Variants in CMIP observed in about 807,000 individuals in gnomAD.
CMIP encodes the protein c-Maf inducing protein.
Under a neutral mutation model 97.3 loss-of-function variants are expected in CMIP, and 13 were observed. The ratio of observed to expected loss-of-function variants is 0.13; its 90% CI spans 0.09 to 0.21. CMIP has a LOEUF of 0.21. Among genes scored for constraint, CMIP ranks in the 10% least tolerant of loss-of-function variants. The pLI is 1.00. For synonymous variants in CMIP, 538 were observed against 436.3 expected, an observed-to-expected ratio of 1.23 and a Z score of -2.91; for missense variants, 847 against 1,024.9, an observed-to-expected ratio of 0.83 and a Z score of 2.37.
At chr16:81,470,878 A>T (rs1235797926) in intron 1 of CMIP, among the ~76,000 whole-genome samples, 1 of 152,266 alleles carries the variant, frequency 6.6e-6, no homozygotes, top group Admixed American at 6.5e-5. Flanking sequence ...TCCTGAGATC[A>T]GTACAAAAAG....
intron 14 of CMIP, among the ~76,000 whole-genome samples, chr16:81,698,274 G>A (rs1474695534): frequency 2.6e-5 from 4 of 152,306 alleles, no homozygotes; most frequent in Admixed American, 6.5e-5. Flanking sequence ...ATGGGGTGTC[G>A]AGGCCTCCCC....
intron 10 of CMIP, 115 bp from the exon 11 acceptor site, chr16:81,691,660 C>T (rs1906092263): frequency 2.6e-6 from 2 of 775,912 alleles, no homozygotes; most frequent in Non-Finnish European, 2.3e-6. Flanking sequence ...GAAGTCAGTG[C>T]CACTGACTAC....
intron 1 of CMIP, among the ~76,000 whole-genome samples, chr16:81,512,934 T>A (rs1368382720): frequency 1.3e-5 from 2 of 152,136 alleles, no homozygotes; most frequent in Admixed American, 1.3e-4. Flanking sequence ...ATGGGGTTTC[T>A]CCATGTTGCC....
intron 10 of CMIP, among the ~76,000 whole-genome samples, chr16:81,684,952 C>T (rs992506900): frequency 2.0e-5 from 3 of 152,240 alleles, no homozygotes; most frequent in Non-Finnish European, 2.9e-5. Context: ...ATAACAGGCC[C>T]GCCCAGAGCC....
At chr16:81,560,528 T>A (rs2090861908) in intron 1 of CMIP, among the ~76,000 whole-genome samples, 1 of 152,108 alleles carries the variant, frequency 6.6e-6, no homozygotes, top group Non-Finnish European at 1.5e-5. Context: ...AGAAAAACAA[T>A]TTTTTACAAA....
At position 81,711,745 on chromosome 16, in the gene CMIP, C is replaced by G. The variant is rs1908800047; in HGVS notation, c.*1946C>G. The G allele has an allele frequency of 6.6e-6, 1 of 152,610 alleles. No individual in the cohort carries two copies. The highest frequency in any genetic ancestry group is 1.5e-5 in the Non-Finnish European group (1 of 68,040). 9.5% of individuals were successfully genotyped at this position (152,610 alleles called of 1,614,324 possible). On this transcript the variant is annotated 3_prime_UTR_variant, in exon 21 of 21. Coordinates refer to ENST00000537098, the MANE Select transcript of CMIP (RefSeq NM_198390.3). ...TGAAATACTTTCAGGCAAAAATAAACTGTAAGTGACTCATCAATGTCTGGC... is the reference window on the plus strand; with the variant it reads ...TGAAATACTTTCAGGCAAAAATAAAGTGTAAGTGACTCATCAATGTCTGGC...
chr16:81,484,736 G>A (rs2089289499), intron 1 of CMIP, among the ~76,000 whole-genome samples: 1 of 152,142 alleles, frequency 6.6e-6, no homozygotes, highest in South Asian at 2.1e-4. Flanking sequence ...GCTCTGGATG[G>A]GGCTGGAAGA....
intron 1 of CMIP, among the ~76,000 whole-genome samples, chr16:81,544,640 G>A (rs892291934): frequency 6.6e-6 from 1 of 151,826 alleles, no homozygotes; most frequent in African/African-American, 2.4e-5. Flanking sequence ...ATGTGTGTGT[G>A]CCTGTGTGTG....
chr16:81,698,903 A>G (rs1820233), intron 14 of CMIP, among the ~76,000 whole-genome samples: 2,357 of 152,292 alleles, frequency 0.015, 33 homozygotes, highest in Non-Finnish European at 0.026. Context: ...AAACATCAGA[A>G]CTTTTATAAT....
Position 81,627,387 on chromosome 16 carries a change from G to C in CMIP, c.477+6461G>C, listed in dbSNP as rs1458749550. Among the ~76,000 whole-genome samples, 1 of 152,026 alleles carries C rather than the reference G, an allele frequency of 6.6e-6. No individual in the cohort carries two copies. The highest frequency in any genetic ancestry group is 2.4e-5 in the African/African-American group (1 of 41,354). Reference sequence around the variant, plus strand: ...CGAAGGCTGTGTTGTTTGTGCAGCAGGCAGAAGGGATCCTGGTAGGAGCCC... The same window carrying C: ...CGAAGGCTGTGTTGTTTGTGCAGCACGCAGAAGGGATCCTGGTAGGAGCCC... On this transcript the variant is annotated intron_variant, in intron 3 of 20. Transcript: ENST00000537098. This position sits in a 1 kb window ranked among gnomAD's most constrained non-coding sequence, Gnocchi z 4.6.
chr16:81,580,675 A>G (rs2091281464), intron 1 of CMIP, among the ~76,000 whole-genome samples: 1 of 151,674 alleles, frequency 6.6e-6, no homozygotes, highest in African/African-American at 2.4e-5. Flanking sequence ...ACCTCAAGTG[A>G]TCCACCCGTC....
chr16:81,673,144 G>A (rs2092698209), intron 9 of CMIP, among the ~76,000 whole-genome samples: 1 of 152,184 alleles, frequency 6.6e-6, no homozygotes, highest in Non-Finnish European at 1.5e-5. Context: ...GGATTTGGGT[G>A]GAAGTGGCTT....
chr16:81,464,302 A>G (rs1406553834), intron 1 of CMIP: 2 of 152,260 alleles, frequency 1.3e-5, no homozygotes, highest in Admixed American at 1.3e-4. Context: ...AAGAGAGGAA[A>G]GATGACATCT....
In CMIP at chr16:81,678,634, T is replaced by A; in HGVS notation, c.1388+6T>A. 2 of 1,384,628 alleles carry A rather than the reference T, an allele frequency of 1.4e-6. No homozygotes were observed. Among genetic ancestry groups the A allele is most frequent in the Non-Finnish European group, 2.0e-6 (2 of 998,906 alleles). The allele number at this position is 1,384,628 out of a possible 1,614,324, so 85.8% of individuals were successfully genotyped here. The stretch of plus-strand genomic sequence containing the variant: ...GTGGAAATCCTCAAGCTGCTGTGAG[T>A]GCCCCCCCCGCGTGCCCGCCCCCGG... On this transcript the variant is annotated splice_donor_region_variant and intron_variant, in intron 10 of 20. Transcript: ENST00000537098.
At chr16:81,615,086 T>C (rs537272860) in intron 2 of CMIP, among the ~76,000 whole-genome samples, 1 of 120,648 alleles carries the variant, frequency 8.3e-6, no homozygotes, top group South Asian at 2.9e-4. Context: ...TGGTATGTCT[T>C]TGTGTGTATG....
At chr16:81,669,692 C>G (rs1295402780) in intron 7 of CMIP, among the ~76,000 whole-genome samples, 1 of 111,380 alleles carries the variant, frequency 9.0e-6, no homozygotes, top group African/African-American at 3.5e-5. Context: ...TCCACACCCA[C>G]CTCACATTCA....
intron 10 of CMIP, among the ~76,000 whole-genome samples, chr16:81,690,414 A>G (rs1427602172): frequency 6.6e-6 from 1 of 152,200 alleles, no homozygotes; most frequent in East Asian, 1.9e-4. Flanking sequence ...ATCAACTCTT[A>G]GAAAAGAAGA....
At chr16:81,658,661 A>C (rs1567640097) in intron 5 of CMIP, among the ~76,000 whole-genome samples, 1 of 152,252 alleles carries the variant, frequency 6.6e-6, no homozygotes, top group Non-Finnish European at 1.5e-5. Context: ...ATTTAAAGCA[A>C]CGTAGTGTGT....
chr16:81,583,951 C>A (rs1326560119), intron 1 of CMIP, among the ~76,000 whole-genome samples: 3 of 152,036 alleles, frequency 2.0e-5, no homozygotes, highest in Non-Finnish European at 4.4e-5. Flanking sequence ...AGATTGGAAG[C>A]CTTTGGAATA....
Sources: gnomAD v4.1 joint callset for allele counts (sites outside exome capture counted in the v4.1 genomes callset) on GRCh38, gnomAD v4.1.1 for gene constraint, Gnocchi (gnomAD v3.1) non-coding constraint, MANE v1.5 for transcripts, NCBI Gene and HGNC (gene_info 2026-07-23, HGNC 2026-07-21) for gene names.